The following NEK1 variants were observed in gnomAD, a reference collection of about 807,000 sequenced individuals.
NEK1 encodes serine/threonine-protein kinase Nek1.
A neutral mutation model predicts 182.1 loss-of-function variants in NEK1; 137 were observed. The observed-to-expected ratio is 0.75, with a 90% confidence interval of 0.65 to 0.87. The LOEUF (loss-of-function observed/expected upper bound fraction) is 0.87. NEK1 is among the 40% of genes least tolerant of loss of function. The pLI is 0.00. For synonymous variants in NEK1, 513 were observed against 492.2 expected (o/e 1.04, Z -0.56); for missense variants, 1,391 against 1,494.4 (o/e 0.93, Z 1.14).
chr4:169,501,654 T>C (rs1752440760), intron 23 of NEK1, among the ~76,000 whole-genome samples: 1 of 152,094 alleles, frequency 6.6e-6, no homozygotes, highest in Non-Finnish European at 1.5e-5. Flanking sequence ...GAATGACTTT[T>C]GGAAAACAAT....
At chr4:169,531,206 TCA>T (rs917640317) in intron 19 of NEK1, among the ~76,000 whole-genome samples, 1 of 152,096 alleles carries the variant, frequency 6.6e-6, no homozygotes, top group Non-Finnish European at 1.5e-5. Context: ...TGATCAAATG[TCA>T]CAGAGCGGCA....
chr4:169,521,577 T>G (rs1756057481), intron 19 of NEK1, among the ~76,000 whole-genome samples: 1 of 152,240 alleles, frequency 6.6e-6, no homozygotes, highest in Non-Finnish European at 1.5e-5. Context: ...CCTTGTCTCT[T>G]TTTATCTCTT....
intron 28 of NEK1, among the ~76,000 whole-genome samples, chr4:169,435,052 T>A (rs2149415435): frequency 6.6e-6 from 1 of 152,302 alleles, no homozygotes; most frequent in Middle Eastern, 3.4e-3. Context: ...AGAAAAGGCA[T>A]AAGATACTGT....
At position 169,552,897 on chromosome 4, in the gene NEK1, G is replaced by A. The variant is rs186083584; in HGVS notation, c.1562+2823C>T. On this transcript the variant is annotated intron_variant, in intron 18 of 35. Coordinates refer to ENST00000507142, the MANE Select transcript of NEK1 (RefSeq NM_001199397.3). ...AATCTAAAAAAATATGCACGGGTATGAGGAAAACTAAAAAATTCTGATGAA... is the reference window on the plus strand; with the variant it reads ...AATCTAAAAAAATATGCACGGGTATAAGGAAAACTAAAAAATTCTGATGAA... Among the ~76,000 whole-genome samples, 18 of 152,230 alleles carry A rather than the reference G, an allele frequency of 1.2e-4. No individual in the cohort carries two copies. In the East Asian group the frequency reaches 3.5e-3, roughly 29 times the overall value.
At chr4:169,509,810 CT>C in intron 19 of NEK1, among the ~76,000 whole-genome samples, 1 of 152,192 alleles carries the variant, frequency 6.6e-6, no homozygotes, top group African/African-American at 2.4e-5. Flanking sequence ...ATTCTGCCAT[CT>C]GAGAAACTTA....
intron 35 of NEK1, among the ~76,000 whole-genome samples, chr4:169,396,322 T>A (rs1457728948): frequency 8.0e-5 from 10 of 125,178 alleles, no homozygotes; most frequent in African/African-American, 3.2e-4. Context: ...GCCGAGATCA[T>A]GTCACTGTAC....
intron 23 of NEK1, chr4:169,506,656 G>A (rs1753298436): frequency 6.5e-6 from 1 of 153,572 alleles, no homozygotes; most frequent in Non-Finnish European, 1.4e-5. Context: ...GGGAGGCTGA[G>A]GCAGAAGAAT....
chr4:169,481,515 A>G (rs754724938), intron 23 of NEK1, among the ~76,000 whole-genome samples: 2 of 152,194 alleles, frequency 1.3e-5, no homozygotes, highest in African/African-American at 4.8e-5. Context: ...AAACAACATG[A>G]ATCTCTTTGT....
chr4:169,394,507 G>T lies in NEK1; in HGVS notation c.*3C>A. 1 of 1,407,568 alleles carries T rather than the reference G, an allele frequency of 7.1e-7. No individual in the cohort carries two copies. Among genetic ancestry groups the T allele is most frequent in the South Asian group, 1.3e-5 (1 of 76,264 alleles). The allele number at this position is 1,407,568 out of a possible 1,614,324, so 87.2% of individuals were successfully genotyped here. On this transcript the variant is annotated 3_prime_UTR_variant, in exon 36 of 36. Transcript: ENST00000507142. Reference sequence around the variant, plus strand: ...AGTTGAGGATTAAAAAACATTTTGAGGATTATTCATCATTATCTGTAGAAA... The same window carrying T: ...AGTTGAGGATTAAAAAACATTTTGATGATTATTCATCATTATCTGTAGAAA...
intron 19 of NEK1, among the ~76,000 whole-genome samples, chr4:169,536,016 A>T (rs1163113776): frequency 6.6e-6 from 1 of 151,852 alleles, no homozygotes. Context: ...TACACAAGGC[A>T]GGGTGCAGTG....
Position 169,393,948 on chromosome 4 carries a change from GAC to G in NEK1, c.*560_*561del, listed in dbSNP as rs1730296824. 1 of 152,194 alleles carries G rather than the reference GAC, an allele frequency of 6.6e-6. No individual in the cohort carries two copies. The highest frequency in any genetic ancestry group is 1.5e-5 in the Non-Finnish European group (1 of 68,034). 9.4% of individuals were successfully genotyped at this position (152,194 alleles called of 1,614,324 possible). A position where few individuals can be genotyped will look rare whatever the true frequency, so the allele number is the denominator to read the frequency against. On this transcript the variant is annotated 3_prime_UTR_variant, in exon 36 of 36. Coordinates refer to ENST00000507142, the MANE Select transcript of NEK1 (RefSeq NM_001199397.3). ...CTACAGCCTGTGTGCTAGTTCAGGA[GAC>G]ACACTGATTGTAAAAGGACTTGAGA...
chr4:169,509,442 C>A (rs1001161975), intron 19 of NEK1, among the ~76,000 whole-genome samples: 14 of 152,060 alleles, frequency 9.2e-5, no homozygotes, highest in African/African-American at 3.4e-4. Flanking sequence ...CTTCGACTTA[C>A]TCCCTTAAAA....
In NEK1 at chr4:169,590,791, G is replaced by C. The variant is rs1459053688; in HGVS notation, c.331C>G (p.Gln111Glu). Reference protein sequence around the residue: ...QEDQILDWFVQICLALKHVHD... With the variant: ...QEDQILDWFVEICLALKHVHD... ...ACATGTTTCAGGGCCAAACATATCT[G>C]TACAAACCAGTCCAAAATCTAGGAA... The change falls in exon 6 of 36, where the codon CAG (glutamine) becomes GAG (glutamate). Residue 111 changes from glutamine to glutamate, a missense_variant. Around this residue, in one of 5 missense-constraint regions of NEK1, gnomAD observed 116 missense variants for 114.5 expected, o/e 1.01. Transcript: ENST00000507142. 1 of 1,595,240 alleles carries C rather than the reference G, an allele frequency of 6.3e-7. No individual in the cohort carries two copies. Among genetic ancestry groups the C allele is most frequent in the Non-Finnish European group, 8.5e-7 (1 of 1,169,856 alleles).
intron 11 of NEK1, among the ~76,000 whole-genome samples, chr4:169,579,948 T>C (rs773705933): frequency 4.6e-5 from 7 of 152,178 alleles, no homozygotes; most frequent in Non-Finnish European, 1.0e-4. Context: ...AAAAACAATA[T>C]ACCCTTCACG....
chr4:169,599,665 T>C (rs1264848721), intron 4 of NEK1, among the ~76,000 whole-genome samples: 1 of 152,194 alleles, frequency 6.6e-6, no homozygotes, highest in Non-Finnish European at 1.5e-5. Flanking sequence ...ATAAGTGTTG[T>C]GATAAACTCT....
At chr4:169,576,110 G>A (rs1410684055) in intron 12 of NEK1, among the ~76,000 whole-genome samples, 1 of 151,788 alleles carries the variant, frequency 6.6e-6, no homozygotes, top group African/African-American at 2.4e-5. Context: ...GACTATAGGT[G>A]TGCGCCACCA....
chr4:169,545,416 T>C (rs1165421344), intron 18 of NEK1, among the ~76,000 whole-genome samples: 1 of 151,314 alleles, frequency 6.6e-6, no homozygotes, highest in East Asian at 1.9e-4. Context: ...TTCCATGGTG[T>C]ATATATGCCA....
intron 18 of NEK1, among the ~76,000 whole-genome samples, chr4:169,543,518 T>A (rs1487233211): frequency 1.3e-5 from 2 of 152,212 alleles, no homozygotes; most frequent in Non-Finnish European, 2.9e-5. Flanking sequence ...GCTAATTCTG[T>A]GAAGAAAGTC....
chr4:169,576,687 A>T (rs1223348589), intron 12 of NEK1: 1 of 288,556 alleles, frequency 3.5e-6, no homozygotes, highest in Non-Finnish European at 6.5e-6. Flanking sequence ...AAGTTATTTC[A>T]TTTATAATGT....
Sources: allele counts gnomAD v4.1 joint callset (sites outside exome capture counted in the v4.1 genomes callset), GRCh38; gene constraint gnomAD v4.1.1; regional missense constraint gnomAD v4.1.1; transcripts MANE v1.5; gene names NCBI Gene and HGNC (gene_info 2026-07-23, HGNC 2026-07-21).